The following HK3 variants were observed in gnomAD, a reference collection of about 807,000 sequenced individuals.
HK3 encodes hexokinase 3.
In HK3, 93 loss-of-function variants were observed where a neutral mutation model predicts 91.0. That is an observed-to-expected ratio of 1.02 (90% CI 0.86 to 1.21). The LOEUF is 1.21. Among genes scored for constraint, HK3 ranks in the 50% most tolerant of loss-of-function variants. The pLI, the probability that HK3 is intolerant of heterozygous loss-of-function variation, is 0.00. For missense variants in HK3, 1,235 were observed against 1,247.4 expected, an observed-to-expected ratio of 0.99 and a Z score of 0.15; for synonymous variants, 519 against 516.9, an observed-to-expected ratio of 1.00 and a Z score of -0.06.
intron 2 of HK3, among the ~76,000 whole-genome samples, chr5:176,894,757 G>A (rs1337672616): frequency 1.3e-5 from 2 of 151,668 alleles, no homozygotes; most frequent in Admixed American, 6.6e-5. Flanking sequence ...CCTTTAGTGG[G>A]CACCTCCTCT....
In HK3 at chr5:176,881,714, T is replaced by A. The variant is rs372753708; in HGVS notation, c.2371A>T (p.Lys791Ter). ...RLQTRDIFKTKFLSEIESDSL... is the reference protein window; with the variant it reads ...RLQTRDIFKT ...CACCTTTCGATCTCAGAGAGGAACT[T>A]GGTCTTGAAGATGTCCCTGGTCTGA... The change falls in exon 17 of 19, where the codon AAG (lysine) becomes TAG (stop). Residue 791 changes from lysine to a stop codon, truncating the protein, a stop_gained. Coordinates refer to ENST00000292432, the MANE Select transcript of HK3 (RefSeq NM_002115.3). LOFTEE classifies it high-confidence loss of function. 9.9e-6 allele frequency: 16 copies of A among 1,613,968 alleles called. 1 individual carries two copies. In the African/African-American group the frequency reaches 1.7e-4, roughly 18 times the overall value.
chr5:176,883,766 T>A lies in HK3; in HGVS notation c.2053+4A>T. ...GGGGCATGAAAGGGCAGGGCCCTCC[T>A]CACCGACAATGAGGCCTATCTCGCA... On this transcript the variant is annotated splice_donor_region_variant and intron_variant, in intron 15 of 18. Transcript: ENST00000292432. 1.2e-6 allele frequency: 2 copies of A among 1,611,192 alleles called. No individual in the cohort carries two copies. The highest frequency in any genetic ancestry group is 1.7e-6 in the Non-Finnish European group (2 of 1,177,546).
chr5:176,891,179 A>C lies in HK3; in HGVS notation c.272T>G (p.Phe91Cys). 3.1e-6 allele frequency: 5 copies of C among 1,614,152 alleles called. No individual in the cohort carries two copies. The highest frequency in any genetic ancestry group is 4.2e-6 in the Non-Finnish European group (5 of 1,180,042). ...STPHGTEQGDFVVLELGATGA... is the reference protein window; with the variant it reads ...STPHGTEQGDCVVLELGATGA... ...TGTGGCCCCCAGCTCCAGCACCACG[A>C]AGTCTCCTTGCTCTGGAGGGCAAGC... Residue 91 changes from phenylalanine (F) to cysteine (C), a missense_variant, in exon 4 of 19, where the codon TTC (phenylalanine) becomes TGC (cysteine). By Grantham distance (205) the Phe-to-Cys change is radical. Coordinates refer to ENST00000292432, the MANE Select transcript of HK3 (RefSeq NM_002115.3).
rs201951471 is a variant in HK3 at position 176,889,750 on chromosome 5, T to G, written c.631-6A>C. ...ACCACGTCGATGTTGTAGGCCTAGA[T>G]GATGAAGAGGGCAGAGGTCAAGGCT... On this transcript the variant is annotated splice_region_variant and splice_polypyrimidine_tract_variant and intron_variant, in intron 6 of 18. Coordinates refer to ENST00000292432, the MANE Select transcript of HK3 (RefSeq NM_002115.3). 2 of 1,613,214 alleles carry G rather than the reference T, an allele frequency of 1.2e-6. No homozygotes were observed. Among genetic ancestry groups the G allele is most frequent in the Middle Eastern group, 1.6e-4 (1 of 6,062 alleles).
At chr5:176,891,003 C>T (rs201235921) in intron 4 of HK3, 34 bp downstream of exon 4, 93 of 1,613,892 alleles carry the variant, frequency 5.8e-5, no homozygotes, top group Middle Eastern at 1.7e-4. Flanking sequence ...CAGCCAGGCC[C>T]CCAGACCCCA....
At position 176,884,683 on chromosome 5, in the gene HK3, G is replaced by C. The variant is rs1022726806; in HGVS notation, c.1858-549C>G. ...ACCCAGGCCCCTGGGCAGGATGAAG[G>C]CTGAGTGCCCAGATTGTGAGAAAAG... On this transcript the variant is annotated intron_variant, in intron 13 of 18. Coordinates refer to ENST00000292432, the MANE Select transcript of HK3 (RefSeq NM_002115.3). This position sits in a 1 kb window ranked among gnomAD's most constrained non-coding sequence, Gnocchi z 4.1. Among the ~76,000 whole-genome samples the C allele has an allele frequency of 1.3e-5, 2 of 152,240 alleles. No homozygotes were observed. Among genetic ancestry groups the C allele is most frequent in the South Asian group, 2.1e-4 (1 of 4,834 alleles).
At chr5:176,897,622 A>T (rs1247007862) in intron 1 of HK3, among the ~76,000 whole-genome samples, 2 of 152,166 alleles carry the variant, frequency 1.3e-5, no homozygotes, top group Non-Finnish European at 2.9e-5. Flanking sequence ...ATGCAAAGCC[A>T]GTAGTCATTC....
At position 176,881,038 on chromosome 5, in the gene HK3, G is replaced by C. The variant is rs578253168; in HGVS notation, c.*35C>G. The C allele has an allele frequency of 5.1e-6, 8 of 1,560,152 alleles. No individual in the cohort carries two copies. The highest frequency in any genetic ancestry group is 1.4e-5 in the African/African-American group (1 of 72,650). ...CAGACCCCGACCCGGCTCCAGCAAG[G>C]CTGCGGCGGAGACCTCCTCAGCCTG... is the stretch of plus-strand genomic sequence containing the variant. On this transcript the variant is annotated 3_prime_UTR_variant, in exon 19 of 19. Transcript: ENST00000292432.
In HK3 at chr5:176,881,032, A is replaced by G. The variant is rs1180571785; in HGVS notation, c.*41T>C. ...AACAGGCAGACCCCGACCCGGCTCC[A>G]GCAAGGCTGCGGCGGAGACCTCCTC... is the stretch of plus-strand genomic sequence containing the variant. On this transcript the variant is annotated 3_prime_UTR_variant, in exon 19 of 19. Coordinates refer to ENST00000292432, the MANE Select transcript of HK3 (RefSeq NM_002115.3). 3.2e-6 allele frequency: 5 copies of G among 1,554,132 alleles called. No individual in the cohort carries two copies. In the Admixed American group the frequency reaches 1.0e-4, roughly 32 times the overall value.
intron 17 of HK3, 59 bp downstream of exon 17, chr5:176,881,633 C>G: frequency 7.5e-6 from 12 of 1,604,048 alleles, no homozygotes; most frequent in Admixed American, 1.7e-5. Flanking sequence ...GGCCAGCAAT[C>G]CCCCACAGTG....
chr5:176,883,468 A>G (rs979788927), intron 15 of HK3, among the ~76,000 whole-genome samples: 3 of 152,180 alleles, frequency 2.0e-5, no homozygotes, highest in Admixed American at 6.5e-5. Flanking sequence ...GCCCAAGGTC[A>G]TACAGGTGGA....
In HK3 at chr5:176,884,926, A is replaced by C. The variant is rs1435378581; in HGVS notation, c.1858-792T>G. On this transcript the variant is annotated intron_variant, in intron 13 of 18. Coordinates refer to ENST00000292432, the MANE Select transcript of HK3 (RefSeq NM_002115.3). The surrounding 1 kb of genome is among the most constrained non-coding windows in gnomAD (Gnocchi z 4.1). Reference sequence around the variant, plus strand: ...ATAGTAAGCAACGTTTTCCTCCAATAATATGTCCTTTTATCCCGTTTTTTA... The same window carrying C: ...ATAGTAAGCAACGTTTTCCTCCAATCATATGTCCTTTTATCCCGTTTTTTA... 1.3e-5 allele frequency among the ~76,000 whole-genome samples: 2 copies of C among 152,188 alleles called. No individual in the cohort carries two copies. Among genetic ancestry groups the C allele is most frequent in the Non-Finnish European group, 2.9e-5 (2 of 68,032 alleles).
rs1194891954 is a variant in HK3 at position 176,881,824 on chromosome 5, A to C, written c.2261T>G (p.Met754Arg). ...KQRFEKMISG[M>R]YLGEIVRHIL... ...GTGGCGGACGATCTCCCCCAGGTAC[A>C]TGCCGCTGATCATCTTTTCAAACCT... The change falls in exon 17 of 19, where the codon ATG becomes AGG. Residue 754 changes from methionine to arginine, a missense_variant. Met to Arg is a moderately conservative substitution (Grantham distance 91). This residue lies in a region of HK3 where 513 missense variants were observed against 477.4 expected (regional missense o/e 1.07). Coordinates refer to ENST00000292432, the MANE Select transcript of HK3 (RefSeq NM_002115.3). The C allele has an allele frequency of 1.2e-6, 2 of 1,614,038 alleles. No homozygotes were observed. The highest frequency in any genetic ancestry group is 8.5e-7 in the Non-Finnish European group (1 of 1,180,016).
rs753665029 is a variant in HK3 at position 176,891,450 on chromosome 5, G to A, written c.197C>T (p.Ala66Val). 1.2e-6 allele frequency: 2 copies of A among 1,613,990 alleles called. No homozygotes were observed. Among genetic ancestry groups the A allele is most frequent in the Non-Finnish European group, 1.7e-6 (2 of 1,180,020 alleles). Residue 66 changes from alanine (A) to valine (V), a missense_variant, in exon 3 of 19, where the codon GCC becomes GTC. Ala to Val is a moderately conservative substitution (Grantham distance 64). This residue lies in a region of HK3 where 717 missense variants were observed against 751.6 expected (regional missense o/e 0.95). Coordinates refer to ENST00000292432, the MANE Select transcript of HK3 (RefSeq NM_002115.3). ...GSMEQALRGQ[A>V]SPAPAVRMLP... ...CATCCGGACCGCAGGGGCAGGGCTG[G>A]CCTGTCCCCTCAGCGCCTGCTCCAT... is the stretch of plus-strand genomic sequence containing the variant.
Position 176,882,084 on chromosome 5 carries a change from C to T in HK3, c.2097G>A (p.Val699=). 3 of 1,613,166 alleles carry T rather than the reference C, an allele frequency of 1.9e-6. No homozygotes were observed. The highest frequency in any genetic ancestry group is 2.5e-6 in the Non-Finnish European group (3 of 1,180,032). The change falls in exon 16 of 19, where the codon GTG becomes GTA. Residue 699 remains valine, a synonymous_variant. Transcript: ENST00000292432. ...NACYMEELRN[V]AGVPGDSGRM... Reference sequence around the variant, plus strand: ...GGCCTGAGTCCCCAGGCACGCCCGCCACATTCCGGAGCTCCTCCATGTAGC... The same window carrying T: ...GGCCTGAGTCCCCAGGCACGCCCGCTACATTCCGGAGCTCCTCCATGTAGC...
Position 176,881,818 on chromosome 5 carries a change from A to G in HK3, c.2267T>C (p.Leu756Pro), listed in dbSNP as rs773995666. The G allele has an allele frequency of 2.5e-6, 4 of 1,614,110 alleles. No homozygotes were observed. The South Asian group carries it at 3.3e-5, about 13-fold the overall frequency. ...RFEKMISGMY[L>P]GEIVRHILLH... is the part of the protein sequence containing the mutation. ...AAGGATGTGGCGGACGATCTCCCCC[A>G]GGTACATGCCGCTGATCATCTTTTC... The change falls in exon 17 of 19, where the codon CTG (leucine) becomes CCG (proline). Residue 756 changes from leucine to proline, a missense_variant. This residue lies in a region of HK3 where 513 missense variants were observed against 477.4 expected (regional missense o/e 1.07). Transcript: ENST00000292432.
chr5:176,881,738 G>C lies in HK3; in HGVS notation c.2347C>G (p.Gln783Glu). 3 of 1,614,174 alleles carry C rather than the reference G, an allele frequency of 1.9e-6. No individual in the cohort carries two copies. The highest frequency in any genetic ancestry group is 2.5e-6 in the Non-Finnish European group (3 of 1,180,036). Reference sequence around the variant, plus strand: ...TTGGTCTTGAAGATGTCCCTGGTCTGAAGGCGCTGGATCTGCTGGCCCCGG... The same window carrying C: ...TTGGTCTTGAAGATGTCCCTGGTCTCAAGGCGCTGGATCTGCTGGCCCCGG... ...LFRGQQIQRL[Q>E]TRDIFKTKFL... Residue 783 changes from glutamine (Q) to glutamate (E), a missense_variant, in exon 17 of 19, where the codon CAG becomes GAG. Around this residue, in one of 3 missense-constraint regions of HK3, gnomAD observed 513 missense variants for 477.4 expected, o/e 1.07. Coordinates refer to ENST00000292432, the MANE Select transcript of HK3 (RefSeq NM_002115.3).
chr5:176,883,988 T>C (rs747173030), intron 14 of HK3, 51 bp downstream of exon 14: 1 of 1,594,282 alleles, frequency 6.3e-7, no homozygotes, highest in Non-Finnish European at 8.6e-7. Flanking sequence ...GACTCTTTGC[T>C]CCCCTCAAGG....
chr5:176,881,237 G>C lies in HK3; in HGVS notation c.2628-20C>G. The C allele has an allele frequency of 6.2e-7, 1 of 1,613,122 alleles. No individual in the cohort carries two copies. The highest frequency in any genetic ancestry group is 2.2e-5 in the East Asian group (1 of 44,870). ...GAGAAGCTGTGAGAGGAGGGCTGAG[G>C]TGAGCCCAGGCCACCAGCCCCACCT... is the stretch of plus-strand genomic sequence containing the variant. On this transcript the variant is annotated intron_variant, in intron 18 of 18. Transcript: ENST00000292432.
Sources: allele counts gnomAD v4.1 joint callset (sites outside exome capture counted in the v4.1 genomes callset), GRCh38; gene constraint gnomAD v4.1.1; regional missense constraint gnomAD v4.1.1; non-coding constraint Gnocchi (gnomAD v3.1); transcripts MANE v1.5; gene names NCBI Gene and HGNC (gene_info 2026-07-23, HGNC 2026-07-21).